The following ZPBP variants were observed in gnomAD, a reference collection of about 807,000 sequenced individuals.
ZPBP encodes zona pellucida binding protein, also known as zona pellucida-binding protein 1.
Under a neutral mutation model 44.8 loss-of-function variants are expected in ZPBP, and 26 were observed. The ratio of observed to expected loss-of-function variants is 0.58; its 90% CI spans 0.43 to 0.81. The LOEUF is 0.81. ZPBP is among the 30% of genes least tolerant of loss of function. ZPBP has a pLI of 0.00. For missense variants in ZPBP, 409 were observed against 434.0 expected, an observed-to-expected ratio of 0.94 and a Z score of 0.51; for synonymous variants, 174 against 153.2, an observed-to-expected ratio of 1.14 and a Z score of -1.00.
rs181173391 is a variant in ZPBP, at chr7:50,031,271, C to T, written c.527G>A (p.Arg176Gln). ...EPHYYYQFTA[R>Q]YHAAPCNSIY... ...GCTATTGCAGGGAGCTGCATGATAT[C>T]GAGCTGTGAACTGATAATAATAATG... The change falls in exon 5 of 8, where the codon CGA becomes CAA. Residue 176 changes from arginine to glutamine, a missense_variant. Arg to Gln is a conservative substitution (Grantham distance 43, BLOSUM62 1). Around this residue, in one of 2 missense-constraint regions of ZPBP, gnomAD observed 367 missense variants for 363.1 expected, o/e 1.01. Coordinates refer to ENST00000046087, the MANE Select transcript of ZPBP (RefSeq NM_007009.3). 9 of 1,611,508 alleles carry T rather than the reference C, an allele frequency of 5.6e-6. No individual in the cohort carries two copies. The highest frequency in any genetic ancestry group is 5.9e-6 in the Non-Finnish European group (7 of 1,179,750).
intron 7 of ZPBP, among the ~76,000 whole-genome samples, chr7:49,978,662 CTCA>C (rs1409430497): frequency 1.3e-5 from 2 of 151,802 alleles, no homozygotes; most frequent in Non-Finnish European, 2.9e-5. Flanking sequence ...ATTTTGTGAG[CTCA>C]TCATCATTTT....
At chr7:50,031,054 T>C (rs1799583351) in intron 5 of ZPBP, 38 bp downstream of exon 5, 1 of 1,575,018 alleles carries the variant, frequency 6.3e-7, no homozygotes, top group Non-Finnish European at 8.7e-7. Flanking sequence ...TAGTTATGTG[T>C]TCTCCATTTG....
At chr7:49,979,880 A>G (rs1465136421) in intron 7 of ZPBP, among the ~76,000 whole-genome samples, 1 of 126,026 alleles carries the variant, frequency 7.9e-6, no homozygotes, top group Admixed American at 1.0e-4. Flanking sequence ...TATATTATAT[A>G]TTACATATTA....
At chr7:49,955,762 T>C (rs1795564804) in intron 7 of ZPBP, among the ~76,000 whole-genome samples, 1 of 151,998 alleles carries the variant, frequency 6.6e-6, no homozygotes, top group African/African-American at 2.4e-5. Flanking sequence ...ACAAAAAACA[T>C]ATGTAGATGA....
Position 50,087,245 on chromosome 7 carries a change from T to C in ZPBP, c.208+2384A>G, listed in dbSNP as rs146425462. Among the ~76,000 whole-genome samples the C allele has an allele frequency of 2.4e-3, 369 of 152,140 alleles. 1 individual carries two copies. Among genetic ancestry groups the C allele is most frequent in the African/African-American group, 8.2e-3 (341 of 41,526 alleles). On this transcript the variant is annotated intron_variant, in intron 2 of 7. Coordinates refer to ENST00000046087, the MANE Select transcript of ZPBP (RefSeq NM_007009.3). ...CAAGAAATTTACAGACCAATTTTCCTTATGAACATAGCCATAAAAATCCTA... is the reference window on the plus strand; with the variant it reads ...CAAGAAATTTACAGACCAATTTTCCCTATGAACATAGCCATAAAAATCCTA...
chr7:49,956,587 G>A (rs1414255968), intron 7 of ZPBP, among the ~76,000 whole-genome samples: 2 of 151,830 alleles, frequency 1.3e-5, no homozygotes, highest in African/African-American at 4.8e-5. Flanking sequence ...TAACAACCAT[G>A]TATAAGATCT....
chr7:49,845,389 C>G, the ZPBP span, among the ~76,000 whole-genome samples: 1 of 152,158 alleles, frequency 6.6e-6, no homozygotes, highest in Admixed American at 6.5e-5. Context: ...TAGATTTTCA[C>G]ACACAATCTA....
At chr7:49,971,545 T>TA (rs763929722) in intron 7 of ZPBP, among the ~76,000 whole-genome samples, 3 of 152,080 alleles carry the variant, frequency 2.0e-5, no homozygotes, top group Admixed American at 6.5e-5. Flanking sequence ...ATATACTCTA[T>TA]AAAAAATGAC....
At chr7:49,942,466 CT>C (rs1562790035) in intron 7 of ZPBP, 1 of 153,848 alleles carries the variant, frequency 6.5e-6, no homozygotes. Context: ...TGCTTATTTC[CT>C]TTTTTGGTAA....
intron 3 of ZPBP, among the ~76,000 whole-genome samples, chr7:50,071,432 C>T (rs556869751): frequency 1.3e-5 from 2 of 152,190 alleles, no homozygotes; most frequent in East Asian, 3.9e-4. Context: ...GAAAGGCAAT[C>T]TAGGCCATAG....
At chr7:50,002,619 C>T (rs1240753432) in intron 6 of ZPBP, among the ~76,000 whole-genome samples, 1 of 152,150 alleles carries the variant, frequency 6.6e-6, no homozygotes, top group Non-Finnish European at 1.5e-5. Context: ...ATCTGAAGAT[C>T]ACACCAGGTC....
chr7:49,847,898 C>T (rs1253870748), downstream of ZPBP, among the ~76,000 whole-genome samples: 7 of 152,124 alleles, frequency 4.6e-5, no homozygotes, highest in Non-Finnish European at 8.8e-5. Context: ...AAAGTGCACT[C>T]ACAGGTGAGT....
At chr7:50,092,341 C>G (rs1054749368) in intron 1 of ZPBP, among the ~76,000 whole-genome samples, 2 of 152,144 alleles carry the variant, frequency 1.3e-5, no homozygotes, top group Non-Finnish European at 2.9e-5. Flanking sequence ...TTCTCCTCCC[C>G]TATCCCCTAC....
At chr7:49,873,582 G>A (rs1791270459) in intron 2 of ZPBP, among the ~76,000 whole-genome samples, 1 of 152,168 alleles carries the variant, frequency 6.6e-6, no homozygotes, top group African/African-American at 2.4e-5. Context: ...GTGTGAGCAT[G>A]AGTTGGAAGG....
At chr7:49,914,673 C>T (rs1343118714) in intron 1 of ZPBP, 1 of 152,198 alleles carries the variant, frequency 6.6e-6, no homozygotes, top group East Asian at 1.9e-4. Flanking sequence ...AAATACATAG[C>T]TATCTCAGAT....
At chr7:50,049,603 C>A (rs1042094680) in intron 4 of ZPBP, among the ~76,000 whole-genome samples, 2 of 151,826 alleles carry the variant, frequency 1.3e-5, no homozygotes, top group Non-Finnish European at 2.9e-5. Flanking sequence ...TGACAAAATC[C>A]AACATCCTTT....
chr7:50,005,536 ATTAAG>A (rs887874442), intron 6 of ZPBP, among the ~76,000 whole-genome samples: 1 of 152,050 alleles, frequency 6.6e-6, no homozygotes, highest in Non-Finnish European at 1.5e-5. Context: ...CATGACTGAC[ATTAAG>A]TTGTTATCAG....
In ZPBP at chr7:49,983,432, C is replaced by T; in HGVS notation, c.871G>A (p.Glu291Lys). The T allele has an allele frequency of 6.2e-7, 1 of 1,610,712 alleles. No individual in the cohort carries two copies. Among genetic ancestry groups the T allele is most frequent in the Non-Finnish European group, 8.5e-7 (1 of 1,177,228 alleles). ...AEQLPQIYYI[E>K]GTLQMVWINR... is the part of the protein sequence containing the mutation. Reference sequence around the variant, plus strand: ...ATCCAAACCATTTGGAGAGTACCTTCAATATAGTATATTTGAGGTAATTGT... The same window carrying T: ...ATCCAAACCATTTGGAGAGTACCTTTAATATAGTATATTTGAGGTAATTGT... Residue 291 changes from glutamate (E) to lysine (K), a missense_variant, in exon 7 of 8, where the codon GAA (glutamate) becomes AAA (lysine). This residue lies in a region of ZPBP where 367 missense variants were observed against 363.1 expected (regional missense o/e 1.01). Transcript: ENST00000046087.
chr7:49,969,304 T>C (rs1415088351), intron 7 of ZPBP, among the ~76,000 whole-genome samples: 4 of 150,576 alleles, frequency 2.7e-5, no homozygotes, highest in African/African-American at 9.7e-5. Context: ...AGTTATAACA[T>C]AACAAGTTTT....
Sources: allele counts gnomAD v4.1 joint callset (sites outside exome capture counted in the v4.1 genomes callset), GRCh38; gene constraint gnomAD v4.1.1; regional missense constraint gnomAD v4.1.1; transcripts MANE v1.5; gene names NCBI Gene and HGNC (gene_info 2026-07-23, HGNC 2026-07-21).